The following ADGRL2 variants were observed in gnomAD, a reference collection of about 807,000 sequenced individuals.
The protein encoded by ADGRL2 is calcium-independent alpha-latrotoxin receptor 2.
In ADGRL2, 44 loss-of-function variants were observed where a neutral mutation model predicts 157.4. The observed-to-expected ratio is 0.28, with a 90% CI of 0.22 to 0.36. The LOEUF (loss-of-function observed/expected upper bound fraction) is 0.36, where lower values mean the gene tolerates loss of function less well. ADGRL2 is among the 10% of genes least tolerant of loss of function. ADGRL2 has a pLI of 1.00. For synonymous variants in ADGRL2, 585 were observed against 624.7 expected (o/e 0.94, Z 0.95); for missense variants, 1,510 against 1,768.9 (o/e 0.85, Z 2.63).
chr1:81,772,760 TTTTG>T (rs1404088317), intron 2 of ADGRL2, among the ~76,000 whole-genome samples: 5 of 152,046 alleles, frequency 3.3e-5, no homozygotes, highest in Non-Finnish European at 7.4e-5. Context: ...ATGAGTCCTT[TTTTG>T]TTTAGCTTAA....
At chr1:81,768,498 A>G (rs377716347) in intron 2 of ADGRL2, among the ~76,000 whole-genome samples, 141 of 148,302 alleles carry the variant, frequency 9.5e-4, no homozygotes, top group African/African-American at 3.4e-3. Flanking sequence ...TTTTTGAGAG[A>G]AGGTTCACTG....
intron 3 of ADGRL2, among the ~76,000 whole-genome samples, chr1:81,581,873 C>T (rs1433500142): frequency 9.9e-5 from 6 of 60,902 alleles, no homozygotes; most frequent in African/African-American, 4.3e-4. Flanking sequence ...CACACATGCG[C>T]GCACACACAC....
At position 81,837,790 on chromosome 1, in the gene ADGRL2, C is replaced by G. The variant is rs577817418; in HGVS notation, c.73+733C>G. Among the ~76,000 whole-genome samples the G allele has an allele frequency of 7.2e-5, 11 of 151,878 alleles. No homozygotes were observed. In the South Asian group the frequency reaches 2.3e-3, roughly 31 times the overall value. On this transcript the variant is annotated intron_variant, in intron 2 of 23. Coordinates refer to ENST00000686636, the MANE Select transcript of ADGRL2 (RefSeq NM_001366006.2). The stretch of plus-strand genomic sequence containing the variant: ...TTCTGGAATCCATTGTTTTCTTAGT[C>G]TTAAATATTATTTCCACATGAAAAC...
intron 1 of ADGRL2, among the ~76,000 whole-genome samples, chr1:81,749,727 A>C (rs1423061490): frequency 5.9e-5 from 9 of 152,234 alleles, no homozygotes; most frequent in Admixed American, 5.2e-4. Context: ...GCAATATTTC[A>C]ATAGTGAGTT....
intron 1 of ADGRL2, among the ~76,000 whole-genome samples, chr1:81,352,892 A>G (rs961852209): frequency 3.3e-5 from 5 of 152,182 alleles, no homozygotes; most frequent in Non-Finnish European, 7.3e-5. Context: ...GGGGTTAATT[A>G]GGTCAGGTCA....
rs1168763018 is a variant in ADGRL2 at position 81,903,808 on chromosome 1, T to TAC, written c.74-3208_74-3207insCA. On this transcript the variant is annotated intron_variant, in intron 2 of 23. Coordinates refer to ENST00000686636, the MANE Select transcript of ADGRL2 (RefSeq NM_001366006.2). ...ACACATTATATATATATACACATTTTATATACACACACACACACACACACA... is the reference window on the plus strand; with the variant it reads ...ACACATTATATATATATACACATTTTACATATACACACACACACACACACACA... 7.9e-5 allele frequency among the ~76,000 whole-genome samples: 5 copies of TAC among 63,342 alleles called. 1 individual carries two copies. The highest frequency in any genetic ancestry group is 3.6e-4 in the African/African-American group (5 of 13,914). The allele number at this position is 63,342 out of a possible 152,430, so 41.6% of individuals were successfully genotyped here.
chr1:81,676,836 G>A (rs1324408341), intron 3 of ADGRL2, among the ~76,000 whole-genome samples: 6 of 149,362 alleles, frequency 4.0e-5, no homozygotes, highest in Admixed American at 6.7e-5. Context: ...ACAGCCGCCC[G>A]CCACCACACC....
chr1:81,408,656 C>G (rs183695985), intron 1 of ADGRL2, among the ~76,000 whole-genome samples: 1 of 152,210 alleles, frequency 6.6e-6, no homozygotes, highest in Non-Finnish European at 1.5e-5. Context: ...TAAAATATAA[C>G]TGCCCCCAAG....
chr1:81,882,935 G>C (rs971733554), intron 2 of ADGRL2, among the ~76,000 whole-genome samples: 5 of 152,076 alleles, frequency 3.3e-5, no homozygotes, highest in Non-Finnish European at 7.4e-5. Flanking sequence ...GTCCAAATCT[G>C]GTTGGCCCTA....
intron 2 of ADGRL2, among the ~76,000 whole-genome samples, chr1:81,851,734 T>TTGTGTGTGTGTGTGTG (rs5775643): frequency 0.023 from 3,354 of 146,334 alleles, 62 homozygotes; most frequent in South Asian, 0.083. Context: ...CCACTTAAAT[T>TTGTGTGTGTGTGTGTG]TGTGTGTGTG....
intron 2 of ADGRL2, among the ~76,000 whole-genome samples, chr1:81,865,098 A>G (rs2093501028): frequency 6.6e-6 from 1 of 152,158 alleles, no homozygotes; most frequent in Non-Finnish European, 1.5e-5. Context: ...TTCTCTATTT[A>G]CTATTTAAAC....
intron 11 of ADGRL2, 43 bp from the exon 12 acceptor site, chr1:81,966,015 G>A (rs761217793): frequency 6.2e-7 from 1 of 1,604,294 alleles, no homozygotes; most frequent in Admixed American, 1.7e-5. Flanking sequence ...AACTCTTAAA[G>A]AATCCTTTTT....
chr1:81,861,524 A>C (rs2093387818), intron 2 of ADGRL2, among the ~76,000 whole-genome samples: 1 of 152,172 alleles, frequency 6.6e-6, no homozygotes, highest in South Asian at 2.1e-4. Flanking sequence ...TACTAAGAGA[A>C]ATTTATATTT....
chr1:81,366,968 C>A (rs2076077656), intron 1 of ADGRL2, among the ~76,000 whole-genome samples: 1 of 152,160 alleles, frequency 6.6e-6, no homozygotes, highest in Non-Finnish European at 1.5e-5. Flanking sequence ...ATCTTAATCA[C>A]CCTCTGAATC....
intron 3 of ADGRL2, among the ~76,000 whole-genome samples, chr1:81,928,801 G>A (rs1384309480): frequency 6.6e-6 from 1 of 151,918 alleles, no homozygotes. Flanking sequence ...TTGGCACTAT[G>A]AAAAGGAGTG....
intron 1 of ADGRL2, among the ~76,000 whole-genome samples, chr1:81,747,080 A>G (rs2085301813): frequency 6.8e-6 from 1 of 146,620 alleles, no homozygotes; most frequent in South Asian, 2.1e-4. Context: ...ATATGTATAT[A>G]TGTGTATATA....
chr1:81,714,182 T>C (rs886520429), intron 1 of ADGRL2, among the ~76,000 whole-genome samples: 3 of 152,178 alleles, frequency 2.0e-5, no homozygotes, highest in East Asian at 1.9e-4. Flanking sequence ...CAATTCAAGA[T>C]GAGATTTGGG....
At chr1:81,454,015 T>C (rs1263505934) in intron 2 of ADGRL2, among the ~76,000 whole-genome samples, 3 of 152,134 alleles carry the variant, frequency 2.0e-5, no homozygotes, top group East Asian at 3.9e-4. Context: ...TAACAATCAG[T>C]ACTTATGGAC....
chr1:81,866,818 T>C (rs1026574686), intron 2 of ADGRL2, among the ~76,000 whole-genome samples: 3 of 152,152 alleles, frequency 2.0e-5, no homozygotes, highest in African/African-American at 7.2e-5. Flanking sequence ...TCATTGTATA[T>C]CTTACCCCAA....
Sources: gnomAD v4.1 joint callset for allele counts (sites outside exome capture counted in the v4.1 genomes callset) on GRCh38, gnomAD v4.1.1 for gene constraint, MANE v1.5 for transcripts, NCBI Gene and HGNC (gene_info 2026-07-23, HGNC 2026-07-21) for gene names.